The following GLI2 variants were observed in gnomAD, a reference collection of about 807,000 sequenced individuals.
The protein encoded by GLI2 is transcription activator GLI2.
In GLI2, 22 loss-of-function variants were observed where a neutral mutation model predicts 78.9. The ratio of observed to expected loss-of-function variants is 0.28; its 90% CI spans 0.20 to 0.40. GLI2 has a LOEUF of 0.40. Among genes scored for constraint, GLI2 ranks in the 10% least tolerant of loss-of-function variants. The pLI, the probability that GLI2 is intolerant of heterozygous loss-of-function variation, is 1.00. For missense variants in GLI2, 2,097 were observed against 2,213.2 expected (o/e 0.95, Z 1.05); for synonymous variants, 974 against 963.7 (o/e 1.01, Z -0.20).
chr2:120,984,462 T>G lies in GLI2; in HGVS notation c.1633-9T>G. 6.2e-7 allele frequency: 1 copy of G among 1,613,912 alleles called. No individual in the cohort carries two copies. Among genetic ancestry groups the G allele is most frequent in the Non-Finnish European group, 8.5e-7 (1 of 1,179,936 alleles). On this transcript the variant is annotated splice_polypyrimidine_tract_variant and intron_variant, in intron 11 of 13. Coordinates refer to ENST00000361492, the MANE Select transcript of GLI2 (RefSeq NM_001374353.1). Reference sequence around the variant, plus strand: ...CCTATCCATGACACAGGCCTGCTTCTCTCCCCAGAAACCCTACATCTGCAA... The same window carrying G: ...CCTATCCATGACACAGGCCTGCTTCGCTCCCCAGAAACCCTACATCTGCAA...
rs183620114 is a variant in GLI2, at chr2:120,830,522, C to T, written c.148+33054C>T. Among the ~76,000 whole-genome samples, 52 of 152,352 alleles carry T rather than the reference C, an allele frequency of 3.4e-4. No homozygotes were observed. In the East Asian group the frequency reaches 4.2e-3, roughly 12 times the overall value. ...GACATACACGGATGCCCACCAGGCC[C>T]CACGTCCATCCATGGGAAGGGCAGC... On this transcript the variant is annotated intron_variant, in intron 2 of 13. Coordinates refer to ENST00000361492, the MANE Select transcript of GLI2 (RefSeq NM_001374353.1).
At chr2:120,930,428 A>G (rs1679895433) in intron 3 of GLI2, among the ~76,000 whole-genome samples, 1 of 152,232 alleles carries the variant, frequency 6.6e-6, no homozygotes, top group Non-Finnish European at 1.5e-5. Context: ...TGCAAGTTAG[A>G]AATCAAGTTC....
chr2:120,807,952 C>T (rs1167968848), intron 2 of GLI2, among the ~76,000 whole-genome samples: 8 of 152,120 alleles, frequency 5.3e-5, no homozygotes, highest in African/African-American at 1.2e-4. Flanking sequence ...CTTGAGAAGC[C>T]GCCCTTGGCT....
intron 2 of GLI2, among the ~76,000 whole-genome samples, chr2:120,847,054 G>T (rs1359594772): frequency 6.6e-6 from 1 of 151,840 alleles, no homozygotes; most frequent in Non-Finnish European, 1.5e-5. Context: ...GACCGTCATG[G>T]CTTTCCTTGC....
chr2:120,826,044 C>T (rs1686040056), intron 2 of GLI2, among the ~76,000 whole-genome samples: 1 of 152,214 alleles, frequency 6.6e-6, no homozygotes, highest in Admixed American at 6.5e-5. Flanking sequence ...CTGGTGACGG[C>T]CGCCTTTGTT....
At chr2:120,802,769 C>T (rs971416338) in intron 2 of GLI2, among the ~76,000 whole-genome samples, 2 of 152,222 alleles carry the variant, frequency 1.3e-5, no homozygotes, top group South Asian at 2.1e-4. Flanking sequence ...AGGCTTTAGA[C>T]ATCCTGGGAT....
rs544791528 is a variant in GLI2, at chr2:120,982,718, C to T, written c.1470C>T (p.Phe490=). Residue 490 remains phenylalanine (F), a splice_region_variant and synonymous_variant, in exon 11 of 14, where the codon TTC becomes TTT. Transcript: ENST00000361492. Reference sequence around the variant, plus strand: ...CTGACTGAACCGCCTCCTTCTAGTTCGAGGGCTGCTCGAAGGCCTACTCCC... The same window carrying T: ...CTGACTGAACCGCCTCCTTCTAGTTTGAGGGCTGCTCGAAGGCCTACTCCC... ...HTGEKPHKCT[F]EGCSKAYSRL... 7.4e-6 allele frequency: 12 copies of T among 1,611,796 alleles called. No individual in the cohort carries two copies. The highest frequency in any genetic ancestry group is 1.7e-4 in the Middle Eastern group (1 of 6,048).
At chr2:120,864,164 T>A (rs190460101) in intron 2 of GLI2, among the ~76,000 whole-genome samples, 1 of 152,258 alleles carries the variant, frequency 6.6e-6, no homozygotes, top group East Asian at 1.9e-4. Flanking sequence ...TAGGATGCCA[T>A]GGTCTTCCTG....
intron 9 of GLI2, among the ~76,000 whole-genome samples, chr2:120,976,429 A>C (rs770620079): frequency 2.6e-5 from 4 of 152,254 alleles, no homozygotes; most frequent in Non-Finnish European, 5.9e-5. Flanking sequence ...CTGGTGAAGC[A>C]GGGTCTTATC....
At chr2:120,903,739 G>A (rs1489104073) in intron 2 of GLI2, among the ~76,000 whole-genome samples, 2 of 152,186 alleles carry the variant, frequency 1.3e-5, no homozygotes, top group African/African-American at 4.8e-5. Flanking sequence ...ACATCTGGGT[G>A]GTGACAGCCA....
intron 2 of GLI2, among the ~76,000 whole-genome samples, chr2:120,899,508 C>G (rs1043541125): frequency 6.6e-6 from 1 of 152,220 alleles, no homozygotes; most frequent in Non-Finnish European, 1.5e-5. Context: ...GTGCCCCGAG[C>G]CTGCTCCTAG....
At chr2:120,879,059 T>C (rs1281150004) in intron 2 of GLI2, among the ~76,000 whole-genome samples, 1 of 152,180 alleles carries the variant, frequency 6.6e-6, no homozygotes, top group Non-Finnish European at 1.5e-5. Context: ...TCCTCCGGCA[T>C]TGCCCCGTGG....
At chr2:120,830,983 CTTT>C (rs5833855) in intron 2 of GLI2, among the ~76,000 whole-genome samples, 22 of 138,014 alleles carry the variant, frequency 1.6e-4, no homozygotes, top group Non-Finnish European at 1.9e-4. Context: ...CTCTCTGTCT[CTTT>C]TTTTTTTTTT....
At position 120,807,932 on chromosome 2, in the gene GLI2, G is replaced by A. The variant is rs959552784; in HGVS notation, c.148+10464G>A. 1.1e-4 allele frequency among the ~76,000 whole-genome samples: 17 copies of A among 152,186 alleles called. No homozygotes were observed. The East Asian group carries it at 3.3e-3, about 30-fold the overall frequency. ...TGGGCAGGGTGGGGAGGGAGCCAGA[G>A]GGGCTCTGTCTTGAGAAGCCGCCCT... On this transcript the variant is annotated intron_variant, in intron 2 of 13. Coordinates refer to ENST00000361492, the MANE Select transcript of GLI2 (RefSeq NM_001374353.1).
intron 1 of GLI2, among the ~76,000 whole-genome samples, chr2:120,740,175 CTG>C (rs1021192325): frequency 6.6e-6 from 1 of 152,112 alleles, no homozygotes; most frequent in Non-Finnish European, 1.5e-5. Context: ...ACCCACAAAA[CTG>C]TATTTAAAAC....
intron 2 of GLI2, among the ~76,000 whole-genome samples, chr2:120,881,131 G>A (rs982960923): frequency 2.0e-5 from 3 of 152,214 alleles, no homozygotes; most frequent in Non-Finnish European, 4.4e-5. Flanking sequence ...CAGGCACACA[G>A]AGGTTCCAAG....
At chr2:120,906,451 G>C (rs558025188) in intron 2 of GLI2, among the ~76,000 whole-genome samples, 3 of 152,238 alleles carry the variant, frequency 2.0e-5, no homozygotes, top group Non-Finnish European at 4.4e-5. Context: ...ATATGCCTCA[G>C]GGTCAGAAAC....
At position 120,990,764 on chromosome 2, in the gene GLI2, A is replaced by C. The variant is rs1427713602; in HGVS notation, c.*89A>C. On this transcript the variant is annotated 3_prime_UTR_variant, in exon 14 of 14. Coordinates refer to ENST00000361492, the MANE Select transcript of GLI2 (RefSeq NM_001374353.1). ...CCAGCTGTCTTGTCTTTTTCCAAAA[A>C]AGTGTTAAATAGGCTTGAGGGGTTG... is the stretch of plus-strand genomic sequence containing the variant. The C allele has an allele frequency of 2.5e-6, 3 of 1,183,822 alleles. No homozygotes were observed. 73.3% of individuals were successfully genotyped at this position (1,183,822 alleles called of 1,614,324 possible).
In GLI2 at chr2:120,875,137, A is replaced by T. The variant is rs556992163; in HGVS notation, c.149-52224A>T. Reference sequence around the variant, plus strand: ...CCTGCTGGTGGTGCCTGTGCCTGGCATGGGGCTACTTTGTATGTGCAGGTG... The same window carrying T: ...CCTGCTGGTGGTGCCTGTGCCTGGCTTGGGGCTACTTTGTATGTGCAGGTG... On this transcript the variant is annotated intron_variant, in intron 2 of 13. Transcript: ENST00000361492. Among the ~76,000 whole-genome samples the T allele has an allele frequency of 7.9e-4, 120 of 152,328 alleles. 1 individual carries two copies. Among genetic ancestry groups the T allele is most frequent in the African/African-American group, 2.6e-3 (108 of 41,572 alleles).
Sources: gnomAD v4.1 joint callset for allele counts (sites outside exome capture counted in the v4.1 genomes callset) on GRCh38, gnomAD v4.1.1 for gene constraint, MANE v1.5 for transcripts, NCBI Gene and HGNC (gene_info 2026-07-23, HGNC 2026-07-21) for gene names.